The following IGSF3 variants were observed in gnomAD, a reference collection of about 807,000 sequenced individuals.
IGSF3 encodes glu-Trp-Ile EWI motif-containing protein 3.
A neutral mutation model predicts 114.4 loss-of-function variants in IGSF3; 23 were observed. The ratio of observed to expected loss-of-function variants is 0.20; its 90% CI spans 0.14 to 0.28. The LOEUF (loss-of-function observed/expected upper bound fraction) is 0.28, where lower values mean the gene tolerates loss of function less well. Among genes scored for constraint, IGSF3 ranks in the 10% least tolerant of loss-of-function variants. IGSF3 has a pLI of 1.00. For synonymous variants in IGSF3, 571 were observed against 645.2 expected (o/e 0.88, Z 1.74); for missense variants, 1,172 against 1,591.5 (o/e 0.74, Z 4.48).
At position 116,618,964 on chromosome 1, in the gene IGSF3, A is replaced by C. The variant is rs188116754; in HGVS notation, c.44-2507T>G. Among the ~76,000 whole-genome samples the C allele has an allele frequency of 6.6e-5, 10 of 152,296 alleles. No individual in the cohort carries two copies. The highest frequency in any genetic ancestry group is 2.0e-4 in the Admixed American group (3 of 15,298). On this transcript the variant is annotated intron_variant, in intron 2 of 10. Coordinates refer to ENST00000369486, the MANE Select transcript of IGSF3 (RefSeq NM_001007237.3). The surrounding 1 kb of genome is among the most constrained non-coding windows in gnomAD (Gnocchi z 4.7). The stretch of plus-strand genomic sequence containing the variant: ...GGAATCACCTGGGGAGCTTTAAAGA[A>C]CTAACAGTGCCTGGACCCCACCTGA...
rs1050069989 is a variant in IGSF3, at chr1:116,625,967, A to C, written c.44-9510T>G. Among the ~76,000 whole-genome samples the C allele has an allele frequency of 2.6e-5, 4 of 152,182 alleles. No homozygotes were observed. Among genetic ancestry groups the C allele is most frequent in the African/African-American group, 9.7e-5 (4 of 41,438 alleles). ...GACTGCCTGATTGTCCTAGGTTGAG[A>C]CATTTAGCTACTGAGCCCCAGGGAT... On this transcript the variant is annotated intron_variant, in intron 2 of 10. Transcript: ENST00000369486. The surrounding 1 kb of genome is among the most constrained non-coding windows in gnomAD (Gnocchi z 4.7).
At chr1:116,630,542 C>T (rs2101038687) in intron 2 of IGSF3, among the ~76,000 whole-genome samples, 1 of 152,302 alleles carries the variant, frequency 6.6e-6, no homozygotes, top group African/African-American at 2.4e-5. Flanking sequence ...ACAGAGTTGG[C>T]ATCCAAACCC....
rs772499414 is a variant in IGSF3, at chr1:116,583,888, A to G, written c.2848+757T>C. Reference sequence around the variant, plus strand: ...AAGGCCACACAGAATAGTTATTAGTACTAATAAAATTATTGGGACCAGGCA... The same window carrying G: ...AAGGCCACACAGAATAGTTATTAGTGCTAATAAAATTATTGGGACCAGGCA... On this transcript the variant is annotated intron_variant, in intron 9 of 10. Transcript: ENST00000369486. The surrounding 1 kb of genome is among the most constrained non-coding windows in gnomAD (Gnocchi z 4.5). Among the ~76,000 whole-genome samples the G allele has an allele frequency of 1.1e-4, 17 of 152,236 alleles. No homozygotes were observed. Among genetic ancestry groups the G allele is most frequent in the Non-Finnish European group, 2.1e-4 (14 of 68,044 alleles).
At position 116,593,206 on chromosome 1, in the gene IGSF3, A is replaced by T. The variant is rs557434037; in HGVS notation, c.2030-4102T>A. Among the ~76,000 whole-genome samples, 7 of 152,270 alleles carry T rather than the reference A, an allele frequency of 4.6e-5. No individual in the cohort carries two copies. The highest frequency in any genetic ancestry group is 4.6e-4 in the Admixed American group (7 of 15,304). On this transcript the variant is annotated intron_variant, in intron 7 of 10. Coordinates refer to ENST00000369486, the MANE Select transcript of IGSF3 (RefSeq NM_001007237.3). The surrounding 1 kb of genome is among the most constrained non-coding windows in gnomAD (Gnocchi z 4.5). ...TGCCAGCCCCTGCTAAGTCAGAAAA[A>T]CTGCGAGTAAGGCTCAGCAACCTGC... is the stretch of plus-strand genomic sequence containing the variant.
At chr1:116,590,004 T>G (rs1329351543) in intron 7 of IGSF3, among the ~76,000 whole-genome samples, 1 of 151,584 alleles carries the variant, frequency 6.6e-6, no homozygotes, top group Non-Finnish European at 1.5e-5. Context: ...AACGAGTGGG[T>G]GAGCGAATGA....
chr1:116,658,035 T>C (rs1648942533), intron 2 of IGSF3, among the ~76,000 whole-genome samples: 1 of 152,088 alleles, frequency 6.6e-6, no homozygotes, highest in African/African-American at 2.4e-5. Context: ...TTTTTTTTTT[T>C]TTGAAATGGA....
intron 2 of IGSF3, among the ~76,000 whole-genome samples, chr1:116,652,801 T>A (rs1002021668): frequency 6.6e-6 from 1 of 152,182 alleles, no homozygotes; most frequent in Non-Finnish European, 1.5e-5. Context: ...GCAGATCTTA[T>A]CCATTTTTCT....
In IGSF3 at chr1:116,596,434, G is replaced by T. The variant is rs688378; in HGVS notation, c.2029+3507C>A. 6.6e-6 allele frequency among the ~76,000 whole-genome samples: 1 copy of T among 152,040 alleles called. No homozygotes were observed. Among genetic ancestry groups the T allele is most frequent in the East Asian group, 1.9e-4 (1 of 5,166 alleles). ...GCGCTGGTTCGGAGCTCTGGTATCC[G>T]CAAGTCTTAGAGCCACCTTGTGGCA... On this transcript the variant is annotated intron_variant, in intron 7 of 10. Coordinates refer to ENST00000369486, the MANE Select transcript of IGSF3 (RefSeq NM_001007237.3). The surrounding 1 kb of genome is among the most constrained non-coding windows in gnomAD (Gnocchi z 4.1).
Position 116,647,295 on chromosome 1 carries a change from T to G in IGSF3, c.43+18989A>C. Among the ~76,000 whole-genome samples, 1 of 152,292 alleles carries G rather than the reference T, an allele frequency of 6.6e-6. No individual in the cohort carries two copies. On this transcript the variant is annotated intron_variant, in intron 2 of 10. Transcript: ENST00000369486. This position sits in a 1 kb window ranked among gnomAD's most constrained non-coding sequence, Gnocchi z 4.6. ...TACCTAGAACCCAGCTACAATGGCC[T>G]TATCAGACTGAAACAAGAACACCAA...
chr1:116,579,431 C>T lies in IGSF3; in HGVS notation c.3295G>A (p.Glu1099Lys), dbSNP rs766727307. ...PQKEWYRLTE[E>K]ESAPIGIRVL... ...CGGATGCCGATGGGGGCTGACTCCT[C>T]CTCCGTCAGCCGGTACCATTCCTTC... is the stretch of plus-strand genomic sequence containing the variant. The change falls in exon 10 of 11, where the codon GAG becomes AAG. Residue 1099 changes from glutamate to lysine, a missense_variant. Coordinates refer to ENST00000369486, the MANE Select transcript of IGSF3 (RefSeq NM_001007237.3). The surrounding 1 kb of genome is among the most constrained non-coding windows in gnomAD (Gnocchi z 6.4). The T allele has an allele frequency of 1.9e-6, 3 of 1,601,414 alleles. No homozygotes were observed. The highest frequency in any genetic ancestry group is 1.1e-5 in the South Asian group (1 of 89,406).
chr1:116,623,258 C>T (rs1239702703), intron 2 of IGSF3, among the ~76,000 whole-genome samples: 4 of 152,248 alleles, frequency 2.6e-5, no homozygotes, highest in Admixed American at 2.6e-4. Flanking sequence ...GTAACTGACA[C>T]TGTTCCAAGT....
At chr1:116,621,081 G>C (rs928314185) in intron 2 of IGSF3, among the ~76,000 whole-genome samples, 3 of 152,170 alleles carry the variant, frequency 2.0e-5, no homozygotes, top group Non-Finnish European at 4.4e-5. Flanking sequence ...TGCTGTGCTT[G>C]TTAGAGTTCT....
intron 2 of IGSF3, among the ~76,000 whole-genome samples, chr1:116,656,676 G>A (rs1238308065): frequency 6.6e-6 from 1 of 152,132 alleles, no homozygotes; most frequent in Non-Finnish European, 1.5e-5. Context: ...TGTAATCCCA[G>A]CACTTTGGGA....
rs1423901428 is a variant in IGSF3, at chr1:116,615,157, CCAG to C, written c.421+920_421+922del. Among the ~76,000 whole-genome samples, 1 of 152,044 alleles carries C rather than the reference CCAG, an allele frequency of 6.6e-6. No homozygotes were observed. The highest frequency in any genetic ancestry group is 2.4e-5 in the African/African-American group (1 of 41,384). ...GGCATGGTAGTGCATGCCTGTAATC[CCAG>C]CTACTCGGGAGGCTGAGGCAGAAGA... On this transcript the variant is annotated intron_variant, in intron 3 of 10. Coordinates refer to ENST00000369486, the MANE Select transcript of IGSF3 (RefSeq NM_001007237.3). This position sits in a 1 kb window ranked among gnomAD's most constrained non-coding sequence, Gnocchi z 4.3.
chr1:116,626,820 C>T (rs1166377557), intron 2 of IGSF3, among the ~76,000 whole-genome samples: 2 of 152,164 alleles, frequency 1.3e-5, no homozygotes, highest in African/African-American at 4.8e-5. Context: ...CCCTCACTCT[C>T]ATGCGAAAGA....
Position 116,579,136 on chromosome 1 carries a change from C to T in IGSF3, c.3334+256G>A, listed in dbSNP as rs1483037324. ...TAATGAAATATTACTAAAATTGAAT[C>T]TGGTAGAACATCGAGTTTATTATAA... On this transcript the variant is annotated intron_variant, in intron 10 of 10. Transcript: ENST00000369486. The surrounding 1 kb of genome is among the most constrained non-coding windows in gnomAD (Gnocchi z 6.4). Among the ~76,000 whole-genome samples the T allele has an allele frequency of 6.6e-6, 1 of 152,146 alleles. No individual in the cohort carries two copies. The highest frequency in any genetic ancestry group is 2.4e-5 in the African/African-American group (1 of 41,420).
Position 116,650,335 on chromosome 1 carries a change from A to C in IGSF3, c.43+15949T>G, listed in dbSNP as rs1290483185. Among the ~76,000 whole-genome samples, 1 of 152,212 alleles carries C rather than the reference A, an allele frequency of 6.6e-6. No individual in the cohort carries two copies. The highest frequency in any genetic ancestry group is 1.5e-5 in the Non-Finnish European group (1 of 68,038). Reference sequence around the variant, plus strand: ...CAAACCTGCTTTCCTCATTGCAACAAGATGGCTGCTTCATGTCCGAGAATC... The same window carrying C: ...CAAACCTGCTTTCCTCATTGCAACACGATGGCTGCTTCATGTCCGAGAATC... On this transcript the variant is annotated intron_variant, in intron 2 of 10. Coordinates refer to ENST00000369486, the MANE Select transcript of IGSF3 (RefSeq NM_001007237.3). This position sits in a 1 kb window ranked among gnomAD's most constrained non-coding sequence, Gnocchi z 5.0.
chr1:116,657,695 C>G lies in IGSF3; in HGVS notation c.43+8589G>C, dbSNP rs1360923355. On this transcript the variant is annotated intron_variant, in intron 2 of 10. Coordinates refer to ENST00000369486, the MANE Select transcript of IGSF3 (RefSeq NM_001007237.3). This position sits in a 1 kb window ranked among gnomAD's most constrained non-coding sequence, Gnocchi z 4.2. ...GGAAGCCTGCCTCATGCCATGGCAC[C>G]AGCGATGCCACAGGTGTACCCAGTG... is the stretch of plus-strand genomic sequence containing the variant. Among the ~76,000 whole-genome samples the G allele has an allele frequency of 2.0e-5, 3 of 152,126 alleles. No homozygotes were observed. The highest frequency in any genetic ancestry group is 2.0e-4 in the Admixed American group (3 of 15,274).
intron 2 of IGSF3, among the ~76,000 whole-genome samples, chr1:116,653,464 G>A (rs1454602780): frequency 6.6e-6 from 1 of 152,160 alleles, no homozygotes; most frequent in Non-Finnish European, 1.5e-5. Context: ...ATCTTCAAAT[G>A]AGGCCCAGCT....
Sources: gnomAD v4.1 joint callset for allele counts (sites outside exome capture counted in the v4.1 genomes callset) on GRCh38, gnomAD v4.1.1 for gene constraint, Gnocchi (gnomAD v3.1) non-coding constraint, MANE v1.5 for transcripts, NCBI Gene and HGNC (gene_info 2026-07-23, HGNC 2026-07-21) for gene names.